SRRM4: variants seen among roughly 807,000 people sequenced by gnomAD.
The protein encoded by SRRM4 is serine/arginine repetitive matrix protein 4.
A neutral mutation model predicts 68.9 loss-of-function variants in SRRM4; 33 were observed. That is an observed-to-expected ratio of 0.48 (90% CI 0.36 to 0.64). SRRM4 has a LOEUF of 0.64. Ranked by LOEUF, SRRM4 falls within the 30% of genes least tolerant of loss-of-function variation. The pLI is 0.00. For synonymous variants in SRRM4, 318 were observed against 318.8 expected, an observed-to-expected ratio of 1.00 and a Z score of 0.03; for missense variants, 817 against 827.1, an observed-to-expected ratio of 0.99 and a Z score of 0.15.
In SRRM4 at chr12:119,081,971, C is replaced by A. The variant is rs1953951686; in HGVS notation, c.132-20265C>A. On this transcript the variant is annotated intron_variant, in intron 1 of 12. Transcript: ENST00000267260. ...TTGGAAACCATTCTCAAATTTTAGT[C>A]TTTAATAATCATTAGTAGCAAAGCC... is the stretch of plus-strand genomic sequence containing the variant. Among the ~76,000 whole-genome samples, 11 of 152,212 alleles carry A rather than the reference C, an allele frequency of 7.2e-5. No individual in the cohort carries two copies. In the South Asian group the frequency reaches 2.3e-3, roughly 32 times the overall value.
intron 1 of SRRM4, among the ~76,000 whole-genome samples, chr12:119,058,960 G>A (rs1381978364): frequency 2.6e-5 from 4 of 152,186 alleles, no homozygotes; most frequent in Admixed American, 2.6e-4. Flanking sequence ...AGCAGAGCCA[G>A]ACAGAAAAAG....
intron 1 of SRRM4, among the ~76,000 whole-genome samples, chr12:118,990,917 T>G (rs958564369): frequency 9.2e-5 from 14 of 152,190 alleles, no homozygotes; most frequent in African/African-American, 3.4e-4. Context: ...CCTCCCAGGC[T>G]CAAGGAATTC....
At chr12:119,073,266 CA>C (rs1309519812) in intron 1 of SRRM4, among the ~76,000 whole-genome samples, 2 of 151,112 alleles carry the variant, frequency 1.3e-5, no homozygotes, top group Non-Finnish European at 2.9e-5. Context: ...TGACCTTGAA[CA>C]AGTGACATAA....
chr12:118,989,238 C>T (rs2135988511), intron 1 of SRRM4, among the ~76,000 whole-genome samples: 1 of 152,212 alleles, frequency 6.6e-6, no homozygotes, highest in Non-Finnish European at 1.5e-5. Flanking sequence ...CCAGTGATGA[C>T]TTTGAACAGC....
At position 118,981,951 on chromosome 12, in the gene SRRM4, G is replaced by A. The variant is rs1443934594; in HGVS notation, c.69G>A (p.Val23=). Residue 23 remains valine (V), a synonymous_variant, in exon 1 of 13, where the codon GTG becomes GTA. Coordinates refer to ENST00000267260, the MANE Select transcript of SRRM4 (RefSeq NM_194286.4). Reference sequence around the variant, plus strand: ...TCTGGCGAGGAACCTTCAAAGCGGTGGCCACCCCCCGTCCCGAGAGCATCA... The same window carrying A: ...TCTGGCGAGGAACCTTCAAAGCGGTAGCCACCCCCCGTCCCGAGAGCATCA... ...EKFWRGTFKA[V]ATPRPESIIV... is the part of the protein sequence containing the mutation. 12 of 1,612,778 alleles carry A rather than the reference G, an allele frequency of 7.4e-6. No individual in the cohort carries two copies. The highest frequency in any genetic ancestry group is 1.1e-5 in the South Asian group (1 of 90,658).
chr12:119,129,906 T>G (rs1954283639), intron 7 of SRRM4, among the ~76,000 whole-genome samples: 2 of 150,244 alleles, frequency 1.3e-5, no homozygotes, highest in African/African-American at 4.9e-5. Flanking sequence ...GATGGATGGA[T>G]GGATGGATGG....
At position 119,117,839 on chromosome 12, in the gene SRRM4, G is replaced by T. The variant is rs143682995; in HGVS notation, c.437+831G>T. On this transcript the variant is annotated intron_variant, in intron 4 of 12. Transcript: ENST00000267260. ...AGGCAGAAGAATCACTTGAACCGGGGAGTCAGAGGTTGCAGTGAGCCGAGA... is the reference window on the plus strand; with the variant it reads ...AGGCAGAAGAATCACTTGAACCGGGTAGTCAGAGGTTGCAGTGAGCCGAGA... Among the ~76,000 whole-genome samples, 654 of 152,258 alleles carry T rather than the reference G, an allele frequency of 4.3e-3. 3 individuals carry two copies. Among genetic ancestry groups the T allele is most frequent in the African/African-American group, 0.015 (625 of 41,530 alleles).
At chr12:119,136,689 T>A (rs1484797832) in intron 8 of SRRM4, among the ~76,000 whole-genome samples, 2 of 152,096 alleles carry the variant, frequency 1.3e-5, no homozygotes, top group African/African-American at 4.8e-5. Context: ...TGAACTTATT[T>A]TTTCTTGTTT....
intron 8 of SRRM4, among the ~76,000 whole-genome samples, chr12:119,138,946 T>C (rs1360316184): frequency 6.6e-6 from 1 of 152,044 alleles, no homozygotes. Flanking sequence ...TTCCAGCTCT[T>C]AAAAGGGGGT....
At position 119,136,094 on chromosome 12, in the gene SRRM4, C is replaced by T. The variant is rs370616106; in HGVS notation, c.771+5260C>T. 7.2e-5 allele frequency among the ~76,000 whole-genome samples: 11 copies of T among 152,228 alleles called. No homozygotes were observed. The East Asian group carries it at 1.5e-3, about 21-fold the overall frequency. The stretch of plus-strand genomic sequence containing the variant: ...TCCTAGTTGCCATAATATTTTTTGT[C>T]ATCATAGCAGCTTTACTAAACTTAT... On this transcript the variant is annotated intron_variant, in intron 8 of 12. Transcript: ENST00000267260.
chr12:119,137,626 GAGAGAGA>G (rs1954338801), intron 8 of SRRM4, among the ~76,000 whole-genome samples: 2 of 114,472 alleles, frequency 1.7e-5, no homozygotes, highest in Admixed American at 9.0e-5. Flanking sequence ...GAGAGAGAGA[GAGAGAGA>G]GGAGATACTG....
Position 119,089,643 on chromosome 12 carries a change from G to C in SRRM4, c.132-12593G>C, listed in dbSNP as rs147560266. On this transcript the variant is annotated intron_variant, in intron 1 of 12. Transcript: ENST00000267260. ...AGGGTGGATTTGAGAGCTTGCTGATGATTGGTGCTGGAGCTGCAGAGTTGG... is the reference window on the plus strand; with the variant it reads ...AGGGTGGATTTGAGAGCTTGCTGATCATTGGTGCTGGAGCTGCAGAGTTGG... Among the ~76,000 whole-genome samples, 236 of 152,330 alleles carry C rather than the reference G, an allele frequency of 1.5e-3. 3 individuals carry two copies. In the East Asian group the frequency reaches 0.016, roughly 10 times the overall value.
rs749004511 is a variant in SRRM4, at chr12:118,981,859, C to A, written c.-24C>A. 2.5e-6 allele frequency: 4 copies of A among 1,608,378 alleles called. No individual in the cohort carries two copies. In the East Asian group the frequency reaches 6.7e-5, roughly 27 times the overall value. ...TCAGCACTTTGGACAGCGCCCCGGACGCCCCGGCCCCTTTGGGTTGGCGAT... is the reference window on the plus strand; with the variant it reads ...TCAGCACTTTGGACAGCGCCCCGGAAGCCCCGGCCCCTTTGGGTTGGCGAT... On this transcript the variant is annotated 5_prime_UTR_variant, in exon 1 of 13. Transcript: ENST00000267260.
intron 1 of SRRM4, among the ~76,000 whole-genome samples, chr12:119,005,469 A>T (rs1167408593): frequency 6.6e-6 from 1 of 152,122 alleles, no homozygotes; most frequent in East Asian, 1.9e-4. Context: ...GGACATTGGG[A>T]TTTTCTTAAT....
At chr12:119,053,600 A>G (rs1385966656) in intron 1 of SRRM4, among the ~76,000 whole-genome samples, 2 of 152,236 alleles carry the variant, frequency 1.3e-5, no homozygotes, top group Non-Finnish European at 2.9e-5. Flanking sequence ...TGAAATAATT[A>G]TATAAAGCAC....
chr12:119,103,917 T>C (rs945414985), intron 2 of SRRM4, among the ~76,000 whole-genome samples: 2 of 152,134 alleles, frequency 1.3e-5, no homozygotes, highest in Non-Finnish European at 2.9e-5. Context: ...GCAGAAGAAT[T>C]GCTTGTACCC....
chr12:119,015,823 A>G (rs1953477614), intron 1 of SRRM4, among the ~76,000 whole-genome samples: 1 of 152,084 alleles, frequency 6.6e-6, no homozygotes, highest in African/African-American at 2.4e-5. Context: ...TGATTTCTGC[A>G]TGGTCAAGTC....
intron 1 of SRRM4, among the ~76,000 whole-genome samples, chr12:119,084,933 CTT>C (rs1953970575): frequency 6.6e-6 from 1 of 152,180 alleles, no homozygotes; most frequent in Admixed American, 6.5e-5. Flanking sequence ...GAGTTTTGCT[CTT>C]TGTTGCCCAG....
intron 1 of SRRM4, among the ~76,000 whole-genome samples, chr12:118,993,300 C>T (rs1418374210): frequency 4.6e-5 from 7 of 152,222 alleles, no homozygotes; most frequent in Admixed American, 3.9e-4. Context: ...GCTGCACTGC[C>T]TAAGCATTCC....
Sources: allele counts gnomAD v4.1 joint callset (sites outside exome capture counted in the v4.1 genomes callset), GRCh38; gene constraint gnomAD v4.1.1; transcripts MANE v1.5; gene names NCBI Gene and HGNC (gene_info 2026-07-23, HGNC 2026-07-21).